Variants in ANKRD50 observed in about 807,000 individuals in gnomAD.
ANKRD50 encodes ankyrin repeat domain 50, also known as ankyrin repeat domain-containing protein 50.
ANKRD50 carries 40 observed loss-of-function variants against 112.0 expected under a neutral mutation model. That is an observed-to-expected ratio of 0.36 (90% CI 0.28 to 0.46). The LOEUF (loss-of-function observed/expected upper bound fraction) is 0.46. Ranked by LOEUF, ANKRD50 falls within the 20% of genes least tolerant of loss-of-function variation. The pLI, the probability that ANKRD50 is intolerant of heterozygous loss-of-function variation, is 1.00. For synonymous variants in ANKRD50, 613 were observed against 619.1 expected (o/e 0.99, Z 0.15); for missense variants, 1,487 against 1,701.7 (o/e 0.87, Z 2.22).
chr4:124,680,100 T>C (rs1423227886), intron 2 of ANKRD50, among the ~76,000 whole-genome samples: 5 of 152,242 alleles, frequency 3.3e-5, no homozygotes, highest in African/African-American at 9.6e-5. Flanking sequence ...AAATCCCTAT[T>C]ACATGCTTCC....
In ANKRD50 at chr4:124,710,092, G is replaced by C. The variant is rs760231351; in HGVS notation, c.420C>G (p.Leu140=). The C allele has an allele frequency of 1.9e-6, 3 of 1,614,096 alleles. No homozygotes were observed. The highest frequency in any genetic ancestry group is 2.2e-5 in the South Asian group (2 of 91,086). ...CCCTTAGCTTGTCCTCATATCCTTG[G>C]AGTAGTCCACTGCGGCAGATCTGGG... The part of the protein sequence containing the change: ...LVAQICRSGL[L]QGYEDKLRDP... Residue 140 remains leucine (L), a synonymous_variant, in exon 2 of 5, where the codon CTC becomes CTG. Coordinates refer to ENST00000504087, the MANE Select transcript of ANKRD50 (RefSeq NM_020337.3).
intron 2 of ANKRD50, among the ~76,000 whole-genome samples, chr4:124,693,580 C>G (rs751495689): frequency 6.6e-6 from 1 of 152,050 alleles, no homozygotes; most frequent in African/African-American, 2.4e-5. Context: ...CCTTATACTA[C>G]GCTAAATGCA....
chr4:124,709,902 A>T, intron 2 of ANKRD50, 98 bp downstream of exon 2: 1 of 1,471,086 alleles, frequency 6.8e-7, no homozygotes, highest in Non-Finnish European at 9.1e-7. Flanking sequence ...GTACAGCACC[A>T]GTAAAAGTAA....
intron 2 of ANKRD50, among the ~76,000 whole-genome samples, chr4:124,682,313 A>T (rs903278472): frequency 7.9e-6 from 1 of 127,362 alleles, no homozygotes; most frequent in South Asian, 2.7e-4. Flanking sequence ...ACAGAGCAAG[A>T]CTCCGTCTCA....
chr4:124,709,351 G>C (rs1397084140), intron 2 of ANKRD50, among the ~76,000 whole-genome samples: 1 of 151,922 alleles, frequency 6.6e-6, no homozygotes, highest in African/African-American at 2.4e-5. Context: ...CATTTACCAT[G>C]GAAAAAAAGC....
intron 2 of ANKRD50, among the ~76,000 whole-genome samples, chr4:124,688,632 T>C (rs1166502406): frequency 6.6e-6 from 1 of 152,098 alleles, no homozygotes; most frequent in Non-Finnish European, 1.5e-5. Context: ...GTCCTCCATA[T>C]GTGCAATATT....
At chr4:124,676,051 A>G (rs1730767125) in intron 3 of ANKRD50, among the ~76,000 whole-genome samples, 1 of 151,828 alleles carries the variant, frequency 6.6e-6, no homozygotes, top group Non-Finnish European at 1.5e-5. Context: ...TGCAATTTTA[A>G]TTTCAAATGC....
At chr4:124,708,206 A>AAAAGGT (rs1364623936) in intron 2 of ANKRD50, among the ~76,000 whole-genome samples, 1 of 152,182 alleles carries the variant, frequency 6.6e-6, no homozygotes, top group South Asian at 2.1e-4. Context: ...TAATTCTATT[A>AAAAGGT]AAAGGTATAG....
At position 124,710,152 on chromosome 4, in the gene ANKRD50, A is replaced by C. The variant is rs1179043296; in HGVS notation, c.360T>G (p.Thr120=). Residue 120 remains threonine (T), a synonymous_variant, in exon 2 of 5, where the codon ACT becomes ACG. Coordinates refer to ENST00000504087, the MANE Select transcript of ANKRD50 (RefSeq NM_020337.3). The part of the protein sequence containing the change: ...FHFCKAQDSD[T]LCVGGFIRGL... ...CTCTAATAAACCCTCCAACACACAA[A>C]GTATCAGAGTCCTGGGCTTTGCAGA... The C allele has an allele frequency of 5.6e-6, 9 of 1,614,146 alleles. No individual in the cohort carries two copies. The highest frequency in any genetic ancestry group is 3.4e-6 in the Non-Finnish European group (4 of 1,180,040).
chr4:124,678,178 C>T (rs1724772675), intron 3 of ANKRD50, among the ~76,000 whole-genome samples: 1 of 151,952 alleles, frequency 6.6e-6, no homozygotes, highest in African/African-American at 2.4e-5. Flanking sequence ...ACTATATATC[C>T]TGTGATATGT....
At chr4:124,692,683 G>A (rs1244463200) in intron 2 of ANKRD50, among the ~76,000 whole-genome samples, 1 of 152,046 alleles carries the variant, frequency 6.6e-6, no homozygotes, top group South Asian at 2.1e-4. Context: ...TATACCATGC[G>A]ATGACAAAAT....
chr4:124,676,962 G>A (rs1730787642), intron 3 of ANKRD50, among the ~76,000 whole-genome samples: 3 of 151,420 alleles, frequency 2.0e-5, no homozygotes, highest in Admixed American at 1.3e-4. Flanking sequence ...ACATAATAGA[G>A]TATTTTTCAC....
In ANKRD50 at chr4:124,671,559, A is replaced by G. The variant is rs756094804; in HGVS notation, c.1718T>C (p.Ile573Thr). The G allele has an allele frequency of 1.2e-6, 2 of 1,613,604 alleles. No individual in the cohort carries two copies. The highest frequency in any genetic ancestry group is 2.2e-5 in the East Asian group (1 of 44,856). The change falls in exon 4 of 5, where the codon ATA becomes ACA. Residue 573 changes from isoleucine to threonine, a missense_variant. Ile to Thr is a moderately conservative substitution (Grantham distance 89, BLOSUM62 -1). Coordinates refer to ENST00000504087, the MANE Select transcript of ANKRD50 (RefSeq NM_020337.3). ...TGGTGTATGTCCATGAGCATCTTCT[A>G]TCTCTAAATCTGCTCCCCTAGAGAC... ...LLVSRGADLEIEDAHGHTPLT... is the reference protein window; with the variant it reads ...LLVSRGADLETEDAHGHTPLT...
At chr4:124,679,591 A>G (rs1724827008) in intron 2 of ANKRD50, among the ~76,000 whole-genome samples, 2 of 152,160 alleles carry the variant, frequency 1.3e-5, no homozygotes, top group African/African-American at 2.4e-5. Context: ...ATTTTCAACA[A>G]ATATTTACTT....
intron 2 of ANKRD50, among the ~76,000 whole-genome samples, chr4:124,706,886 T>C (rs1376677058): frequency 6.6e-6 from 1 of 152,070 alleles, no homozygotes; most frequent in Admixed American, 6.5e-5. Context: ...GTGTTGAATA[T>C]ATCATGTAAT....
chr4:124,669,710 AT>A lies in ANKRD50; in HGVS notation c.3566del (p.Asn1189IlefsTer4). 1 of 1,613,098 alleles carries A rather than the reference AT, an allele frequency of 6.2e-7. No individual in the cohort carries two copies. Among genetic ancestry groups the A allele is most frequent in the Non-Finnish European group, 8.5e-7 (1 of 1,179,724 alleles). On this transcript the variant is annotated frameshift_variant, in exon 4 of 5. Transcript: ENST00000504087. LOFTEE classifies it high-confidence loss of function. The stretch of plus-strand genomic sequence containing the variant: ...TAGATGAAGTAGTTCTCAAAGATGA[AT>A]TTTTTGAGCTTTTCAGGGAATTATT... ...LSNNSLKSSK[N>X]SSLRTTSSTA...
At chr4:124,698,219 G>C (rs371373200) in intron 2 of ANKRD50, among the ~76,000 whole-genome samples, 96 of 152,016 alleles carry the variant, frequency 6.3e-4, no homozygotes, top group African/African-American at 2.2e-3. Flanking sequence ...GAGCACAGAT[G>C]GTTTAACCAT....
rs2110508704 is a variant in ANKRD50 at position 124,671,684 on chromosome 4, T to C, written c.1593A>G (p.Leu531=). The change falls in exon 4 of 5, where the codon TTA becomes TTG. Residue 531 remains leucine, a synonymous_variant. Coordinates refer to ENST00000504087, the MANE Select transcript of ANKRD50 (RefSeq NM_020337.3). ...GATTTACTGAAGCTCCATTATCTAA[T>C]AATGTCCGAATGGAATCCTCTCTTT... ...ALEREDSIRT[L]LDNGASVNQC... is the part of the protein sequence containing the mutation. The C allele has an allele frequency of 1.9e-6, 3 of 1,613,884 alleles. No individual in the cohort carries two copies. Among genetic ancestry groups the C allele is most frequent in the Non-Finnish European group, 2.5e-6 (3 of 1,179,852 alleles).
chr4:124,693,387 T>C lies in ANKRD50; in HGVS notation c.513-14482A>G, dbSNP rs533255626. Among the ~76,000 whole-genome samples the C allele has an allele frequency of 2.6e-5, 4 of 152,258 alleles. No homozygotes were observed. In the South Asian group the frequency reaches 6.2e-4, roughly 24 times the overall value. ...AATACTGAAATTCCAGAAAAATCAA[T>C]AGATGGCAGGTGCTTGAAATGATTT... On this transcript the variant is annotated intron_variant, in intron 2 of 4. Transcript: ENST00000504087.
Sources: gnomAD v4.1 joint callset for allele counts (sites outside exome capture counted in the v4.1 genomes callset) on GRCh38, gnomAD v4.1.1 for gene constraint, MANE v1.5 for transcripts, NCBI Gene and HGNC (gene_info 2026-07-23, HGNC 2026-07-21) for gene names.